Variants in CAMTA1 observed in about 807,000 individuals in gnomAD.
CAMTA1 encodes the protein calmodulin binding transcription activator 1, also known as calmodulin-binding transcription activator 1.
CAMTA1 carries 27 observed loss-of-function variants against 170.9 expected under a neutral mutation model. That is an observed-to-expected ratio of 0.16 (90% CI 0.12 to 0.22). The LOEUF is 0.22. Among genes scored for constraint, CAMTA1 ranks in the 10% least tolerant of loss-of-function variants. The pLI, the probability that CAMTA1 is intolerant of heterozygous loss-of-function variation, is 1.00. For missense variants in CAMTA1, 1,619 were observed against 2,217.2 expected (o/e 0.73, Z 5.42); for synonymous variants, 833 against 891.5 (o/e 0.93, Z 1.17).
At chr1:7,246,059 T>A (rs1665719219) in intron 4 of CAMTA1, among the ~76,000 whole-genome samples, 1 of 152,104 alleles carries the variant, frequency 6.6e-6, no homozygotes, top group African/African-American at 2.4e-5. Flanking sequence ...ACCCATGAAA[T>A]CCCTGTCTAT....
chr1:6,792,023 C>T (rs572250092), intron 1 of CAMTA1, among the ~76,000 whole-genome samples: 9 of 151,816 alleles, frequency 5.9e-5, no homozygotes, highest in East Asian at 5.8e-4. Flanking sequence ...GCACGATCTC[C>T]GCTCCCTGCA....
chr1:7,551,997 C>T (rs1428372314), intron 6 of CAMTA1, among the ~76,000 whole-genome samples: 1 of 152,180 alleles, frequency 6.6e-6, no homozygotes, highest in East Asian at 1.9e-4. Flanking sequence ...TCACCAGAAT[C>T]CTAGAAGTGG....
chr1:7,641,281 T>C lies in CAMTA1; in HGVS notation c.664+728T>C, dbSNP rs1282999182. On this transcript the variant is annotated intron_variant, in intron 7 of 22. Coordinates refer to ENST00000303635, the MANE Select transcript of CAMTA1 (RefSeq NM_015215.4). The surrounding 1 kb of genome is among the most constrained non-coding windows in gnomAD (Gnocchi z 4.5). ...CCTGACCCAAGAAGAGCATGGGGGC[T>C]GTTTAGTGGTGGACACGTAGCCCAC... Among the ~76,000 whole-genome samples, 7 of 152,046 alleles carry C rather than the reference T, an allele frequency of 4.6e-5. No individual in the cohort carries two copies. The highest frequency in any genetic ancestry group is 1.4e-4 in the African/African-American group (6 of 41,406).
chr1:6,938,952 T>C (rs1225166836), intron 3 of CAMTA1, among the ~76,000 whole-genome samples: 1 of 152,250 alleles, frequency 6.6e-6, no homozygotes, highest in East Asian at 1.9e-4. Flanking sequence ...CGTTTGGGCC[T>C]GACAGATATG....
chr1:7,184,571 T>C (rs987856525), intron 4 of CAMTA1, among the ~76,000 whole-genome samples: 1 of 151,656 alleles, frequency 6.6e-6, no homozygotes, highest in African/African-American at 2.4e-5. Flanking sequence ...ATCTGTGTAG[T>C]TTAGTAAAAA....
intron 4 of CAMTA1, among the ~76,000 whole-genome samples, chr1:7,244,218 G>A (rs1011466438): frequency 6.6e-5 from 10 of 152,126 alleles, no homozygotes; most frequent in South Asian, 2.1e-4. Context: ...TTAGAATGGC[G>A]ATCATTAAAA....
At chr1:7,082,087 A>T (rs1462876176) in intron 3 of CAMTA1, among the ~76,000 whole-genome samples, 1 of 152,068 alleles carries the variant, frequency 6.6e-6, no homozygotes, top group Admixed American at 6.5e-5. Flanking sequence ...GGCTGTAATC[A>T]TGGTCTCCAA....
chr1:7,166,320 C>G (rs554671249), intron 4 of CAMTA1, among the ~76,000 whole-genome samples: 2 of 152,234 alleles, frequency 1.3e-5, no homozygotes, highest in Non-Finnish European at 2.9e-5. Flanking sequence ...CCTGCCTCAG[C>G]CTCCCAAAGT....
At position 7,738,165 on chromosome 1, in the gene CAMTA1, C is replaced by T. The variant is rs1296793903; in HGVS notation, c.3865C>T (p.Pro1289Ser). The change falls in exon 16 of 23, where the codon CCC (proline) becomes TCC (serine). Residue 1289 changes from proline (P) to serine (S), a missense_variant. Pro to Ser is a moderately conservative substitution (Grantham distance 74). Transcript: ENST00000303635. This position sits in a 1 kb window ranked among gnomAD's most constrained non-coding sequence, Gnocchi z 4.9. Reference sequence around the variant, plus strand: ...GCAGTCTGTCCCCGAGACACTCAGCCCCAGTGAAGGAGTGAGGGACTTCAG... The same window carrying T: ...GCAGTCTGTCCCCGAGACACTCAGCTCCAGTGAAGGAGTGAGGGACTTCAG... The part of the protein sequence containing the change: ...SKQSVPETLS[P>S]SEGVRDFSRE... The T allele has an allele frequency of 6.2e-7, 1 of 1,614,080 alleles. No homozygotes were observed. Among genetic ancestry groups the T allele is most frequent in the Admixed American group, 1.7e-5 (1 of 60,032 alleles).
intron 5 of CAMTA1, among the ~76,000 whole-genome samples, chr1:7,310,336 T>C (rs1676266893): frequency 6.6e-6 from 1 of 152,246 alleles, no homozygotes; most frequent in Non-Finnish European, 1.5e-5. Context: ...CTTTTTTCTG[T>C]AAAGGGCCAA....
At chr1:6,922,482 G>C (rs1427347873) in intron 3 of CAMTA1, among the ~76,000 whole-genome samples, 3 of 152,194 alleles carry the variant, frequency 2.0e-5, no homozygotes, top group Non-Finnish European at 4.4e-5. Context: ...AGTGGGTCTG[G>C]GAAGATGCAA....
intron 5 of CAMTA1, among the ~76,000 whole-genome samples, chr1:7,438,444 G>A (rs1222439458): frequency 1.3e-5 from 2 of 152,178 alleles, no homozygotes; most frequent in East Asian, 1.9e-4. Context: ...TCGGTCACTC[G>A]GGGCAACCAT....
intron 1 of CAMTA1, among the ~76,000 whole-genome samples, chr1:6,786,699 T>C (rs765243424): frequency 5.3e-5 from 8 of 152,330 alleles, no homozygotes; most frequent in Middle Eastern, 3.4e-3. Flanking sequence ...CCTTTTCTTA[T>C]GGAGACAACT....
At chr1:7,323,507 C>CTTTTTTTTTTTTTTTTT (rs56382342) in intron 5 of CAMTA1, among the ~76,000 whole-genome samples, 6 of 109,000 alleles carry the variant, frequency 5.5e-5, no homozygotes, top group Non-Finnish European at 7.0e-5. Flanking sequence ...CTTTATTCTT[C>CTTTTTTTTTTTTTTTTT]TTTTTTTTTT....
intron 3 of CAMTA1, among the ~76,000 whole-genome samples, chr1:6,879,523 A>G (rs1011190344): frequency 4.0e-5 from 6 of 151,518 alleles, no homozygotes; most frequent in Admixed American, 3.3e-4. Flanking sequence ...TATGAAATCT[A>G]TTTCTTCTCT....
chr1:7,464,275 G>A (rs950201028), intron 5 of CAMTA1, among the ~76,000 whole-genome samples: 3 of 152,068 alleles, frequency 2.0e-5, no homozygotes, highest in Non-Finnish European at 4.4e-5. Flanking sequence ...ATTTATCCAC[G>A]AGCCCCGGAA....
intron 5 of CAMTA1, among the ~76,000 whole-genome samples, chr1:7,305,866 C>CTGGTA (rs1229054300): frequency 6.6e-5 from 10 of 151,994 alleles, no homozygotes; most frequent in Admixed American, 2.0e-4. Context: ...TAGGCGTGTA[C>CTGGTA]TGGTATCTCA....
chr1:7,694,164 C>T (rs987452290), intron 11 of CAMTA1: 1 of 152,254 alleles, frequency 6.6e-6, no homozygotes, highest in African/African-American at 2.4e-5. Context: ...TCCCCTACTC[C>T]TCACCCCAGA....
chr1:7,230,972 C>G (rs1662682768), intron 4 of CAMTA1, among the ~76,000 whole-genome samples: 1 of 152,074 alleles, frequency 6.6e-6, no homozygotes, highest in African/African-American at 2.4e-5. Flanking sequence ...AGAGGGACCC[C>G]CCAGGAGCCT....
Sources: gnomAD v4.1 joint callset for allele counts (sites outside exome capture counted in the v4.1 genomes callset) on GRCh38, gnomAD v4.1.1 for gene constraint, Gnocchi (gnomAD v3.1) non-coding constraint, MANE v1.5 for transcripts, NCBI Gene and HGNC (gene_info 2026-07-23, HGNC 2026-07-21) for gene names.